Variants in NAALADL2 observed in about 807,000 individuals in gnomAD.
NAALADL2 encodes the protein N-acetylated alpha-linked acidic dipeptidase like 2, also known as inactive N-acetylated-alpha-linked acidic dipeptidase-like protein 2.
Under a neutral mutation model 87.2 loss-of-function variants are expected in NAALADL2, and 76 were observed. That is an observed-to-expected ratio of 0.87 (90% CI 0.72 to 1.05). The LOEUF (loss-of-function observed/expected upper bound fraction) is 1.05, where lower values mean the gene tolerates loss of function less well. Ranked by LOEUF, NAALADL2 falls within the 50% of genes least tolerant of loss-of-function variation. The pLI is 0.00. For missense variants in NAALADL2, 1,089 were observed against 945.8 expected (o/e 1.15, Z -1.99); for synonymous variants, 354 against 331.0 (o/e 1.07, Z -0.75).
At chr3:174,670,082 A>G (rs2108799660) in intron 2 of NAALADL2, among the ~76,000 whole-genome samples, 1 of 151,698 alleles carries the variant, frequency 6.6e-6, no homozygotes, top group East Asian at 2.0e-4. Flanking sequence ...TTGTGTGTCA[A>G]TTTTGTATCC....
chr3:175,013,786 C>G (rs934761121), intron 1 of NAALADL2, among the ~76,000 whole-genome samples: 1 of 152,050 alleles, frequency 6.6e-6, no homozygotes, highest in Non-Finnish European at 1.5e-5. Context: ...AGACCCAGCT[C>G]TTTGGGACCA....
At chr3:174,574,822 G>A (rs1715348759) in intron 2 of NAALADL2, among the ~76,000 whole-genome samples, 1 of 151,798 alleles carries the variant, frequency 6.6e-6, no homozygotes, top group African/African-American at 2.4e-5. Flanking sequence ...AATTTTTTTT[G>A]AGATTTATCT....
intron 2 of NAALADL2, among the ~76,000 whole-genome samples, chr3:174,569,263 G>C (rs2108529944): frequency 6.6e-6 from 1 of 151,708 alleles, no homozygotes; most frequent in South Asian, 2.1e-4. Flanking sequence ...CTTTTAATAA[G>C]GAGACTCGAT....
chr3:175,767,207 C>A (rs73171462), intron 13 of NAALADL2, among the ~76,000 whole-genome samples: 13,487 of 151,160 alleles, frequency 0.089, 628 homozygotes, highest in Middle Eastern at 0.12. Context: ...GCATTTTTAA[C>A]TGATTAAAAA....
In NAALADL2 at chr3:175,040,877, G is replaced by A. The variant is rs556511977; in HGVS notation, c.44-55913G>A. 1.1e-4 allele frequency among the ~76,000 whole-genome samples: 17 copies of A among 152,168 alleles called. 1 individual carries two copies. In the South Asian group the frequency reaches 3.5e-3, roughly 32 times the overall value. On this transcript the variant is annotated intron_variant, in intron 1 of 13. Transcript: ENST00000454872. Reference sequence around the variant, plus strand: ...TACAGAACCCCATATTTAAAAACATGCATCAACTCAGAGTCCAGAAAATGT... The same window carrying A: ...TACAGAACCCCATATTTAAAAACATACATCAACTCAGAGTCCAGAAAATGT...
chr3:175,207,912 T>C (rs941373668), intron 2 of NAALADL2, among the ~76,000 whole-genome samples: 1 of 152,130 alleles, frequency 6.6e-6, no homozygotes, highest in Non-Finnish European at 1.5e-5. Context: ...GCCACTGATT[T>C]TGAAACCATA....
chr3:174,533,627 G>GA lies in NAALADL2; in HGVS notation c.-183-16927dup, dbSNP rs10712725. ...GAAGCAACACAAAGGAAATTAGTTGGAAAAAAAAAAAAAAACCCACAGATT... is the reference window on the plus strand; with the variant it reads ...GAAGCAACACAAAGGAAATTAGTTGGAAAAAAAAAAAAAAAACCCACAGATT... On this transcript the variant is annotated intron_variant, in intron 1 of 3. Coordinates refer to the NAALADL2 transcript ENST00000434257. Among the ~76,000 whole-genome samples, 52 of 143,940 alleles carry GA rather than the reference G, an allele frequency of 3.6e-4. 1 individual carries two copies. Among genetic ancestry groups the GA allele is most frequent in the Admixed American group, 1.5e-3 (21 of 14,420 alleles). 94.4% of individuals were successfully genotyped at this position (143,940 alleles called of 152,430 possible). A position where few individuals can be genotyped will look rare whatever the true frequency, so the allele number is the denominator to read the frequency against.
chr3:175,621,943 A>G (rs1211682214), intron 10 of NAALADL2, among the ~76,000 whole-genome samples: 1 of 152,168 alleles, frequency 6.6e-6, no homozygotes, highest in East Asian at 1.9e-4. Flanking sequence ...AGAAATTGCT[A>G]TTATTGAACT....
rs374911499 is a variant in NAALADL2, at chr3:175,304,006, A to G, written c.940-20169A>G. Among the ~76,000 whole-genome samples the G allele has an allele frequency of 4.8e-3, 698 of 145,734 alleles. 11 individuals are homozygous for G. The highest frequency in any genetic ancestry group is 0.018 in the African/African-American group (644 of 35,194). ...AGGGGGTGGATAGTTTCATACCATT[A>G]GGATTTTTTTTTTTTTACATATGAA... On this transcript the variant is annotated intron_variant, in intron 4 of 13. Transcript: ENST00000454872.
chr3:175,775,642 A>G (rs1039408585), intron 13 of NAALADL2, among the ~76,000 whole-genome samples: 1 of 152,102 alleles, frequency 6.6e-6, no homozygotes, highest in African/African-American at 2.4e-5. Flanking sequence ...TCTTTTGCCA[A>G]TTTGCGAAGT....
chr3:175,492,807 A>G (rs1266376102), intron 9 of NAALADL2, among the ~76,000 whole-genome samples: 2 of 152,144 alleles, frequency 1.3e-5, no homozygotes, highest in African/African-American at 4.8e-5. Context: ...AGAAATAATT[A>G]CTGGATGATA....
rs1447939427 is a variant in NAALADL2 at position 175,803,902 on chromosome 3, A to T, written c.*699A>T. 6 of 152,390 alleles carry T rather than the reference A, an allele frequency of 3.9e-5. No homozygotes were observed. The allele number at this position is 152,390 out of a possible 1,614,324, so 9.4% of individuals were successfully genotyped here. A position where few individuals can be genotyped will look rare whatever the true frequency, so the allele number is the denominator to read the frequency against. On this transcript the variant is annotated 3_prime_UTR_variant, in exon 14 of 14. Coordinates refer to ENST00000454872, the MANE Select transcript of NAALADL2 (RefSeq NM_207015.3). ...CAACTTACAAGGTGACTAGCTTTGA[A>T]ACCCCTAATTTGCCTCAGTTGATTT...
chr3:175,785,336 T>C (rs1441917116), intron 13 of NAALADL2, among the ~76,000 whole-genome samples: 1 of 147,626 alleles, frequency 6.8e-6, no homozygotes, highest in African/African-American at 2.6e-5. Flanking sequence ...TGTGTGGGAG[T>C]CTAAGTCTCT....
At chr3:174,961,228 C>T (rs962748205) in intron 1 of NAALADL2, among the ~76,000 whole-genome samples, 2 of 151,086 alleles carry the variant, frequency 1.3e-5, no homozygotes, top group Admixed American at 1.3e-4. Context: ...AAGTGATCCT[C>T]CCACCTTGAC....
chr3:175,550,014 C>T (rs1365775681), intron 9 of NAALADL2, among the ~76,000 whole-genome samples: 1 of 151,896 alleles, frequency 6.6e-6, no homozygotes, highest in Non-Finnish European at 1.5e-5. Context: ...AAAGAGTGAA[C>T]CCTGTGGTTA....
At chr3:175,076,634 T>C (rs932436468) in intron 1 of NAALADL2, among the ~76,000 whole-genome samples, 1 of 152,302 alleles carries the variant, frequency 6.6e-6, no homozygotes, top group Non-Finnish European at 1.5e-5. Flanking sequence ...AAGTCAAATG[T>C]ATAAAATATT....
At chr3:174,687,783 G>T (rs754744623) in intron 2 of NAALADL2, among the ~76,000 whole-genome samples, 4 of 152,124 alleles carry the variant, frequency 2.6e-5, no homozygotes, top group Non-Finnish European at 4.4e-5. Context: ...GCCAGGTGGA[G>T]ATAATTGAAT....
chr3:175,521,482 G>A (rs1405067384), intron 9 of NAALADL2, among the ~76,000 whole-genome samples: 2 of 152,002 alleles, frequency 1.3e-5, no homozygotes, highest in African/African-American at 4.8e-5. Context: ...AGGTGCTTTG[G>A]GTTGAATTGT....
At chr3:175,112,151 G>A (rs1194580380) in intron 2 of NAALADL2, among the ~76,000 whole-genome samples, 1 of 151,462 alleles carries the variant, frequency 6.6e-6, no homozygotes, top group Non-Finnish European at 1.5e-5. Flanking sequence ...AAGGTCTTCA[G>A]CCATTCTCCA....
Sources: gnomAD v4.1 joint callset for allele counts (sites outside exome capture counted in the v4.1 genomes callset) on GRCh38, gnomAD v4.1.1 for gene constraint, MANE v1.5 for transcripts, NCBI Gene and HGNC (gene_info 2026-07-23, HGNC 2026-07-21) for gene names.